Variants in TBC1D12 observed in about 807,000 individuals in gnomAD.
TBC1D12 encodes TBC1 domain family, member 12.
A neutral mutation model predicts 86.7 loss-of-function variants in TBC1D12; 56 were observed. That is an observed-to-expected ratio of 0.65 (90% CI 0.52 to 0.81). The LOEUF (loss-of-function observed/expected upper bound fraction) is 0.81. TBC1D12 is among the 30% of genes least tolerant of loss of function. The pLI, the probability that TBC1D12 is intolerant of heterozygous loss-of-function variation, is 0.00. For missense variants in TBC1D12, 1,023 were observed against 1,038.8 expected, an observed-to-expected ratio of 0.98 and a Z score of 0.21; for synonymous variants, 421 against 411.7, an observed-to-expected ratio of 1.02 and a Z score of -0.27.
At position 94,432,476 on chromosome 10, in the gene TBC1D12, TTA is replaced by T. The variant is rs147947299; in HGVS notation, c.972-9418_972-9417del. Among the ~76,000 whole-genome samples the T allele has an allele frequency of 3.0e-3, 456 of 152,338 alleles. 4 individuals carry two copies. The highest frequency in any genetic ancestry group is 0.017 in the East Asian group (87 of 5,188). On this transcript the variant is annotated intron_variant, in intron 1 of 12. Transcript: ENST00000225235. ...TGCAGGTATATGCCATTTTGCTGTA[TTA>T]TGTTATAAATAGTGTTTGTGGCAGG...
In TBC1D12 at chr10:94,525,567, C is replaced by T. The variant is rs142420843; in HGVS notation, c.2000+3114C>T. On this transcript the variant is annotated intron_variant, in intron 11 of 12. Coordinates refer to ENST00000225235, the MANE Select transcript of TBC1D12 (RefSeq NM_015188.2). Reference sequence around the variant, plus strand: ...TGCAGTAAGTCAGGAGGCTGAGGCACGAGAATCGCTTGAACCCAGGAGGCC... The same window carrying T: ...TGCAGTAAGTCAGGAGGCTGAGGCATGAGAATCGCTTGAACCCAGGAGGCC... 4.4e-3 allele frequency among the ~76,000 whole-genome samples: 652 copies of T among 148,020 alleles called. 4 individuals carry two copies. The highest frequency in any genetic ancestry group is 0.015 in the African/African-American group (618 of 40,002).
chr10:94,408,682 T>TA (rs1185119482), intron 1 of TBC1D12, among the ~76,000 whole-genome samples: 1 of 152,170 alleles, frequency 6.6e-6, no homozygotes, highest in Non-Finnish European at 1.5e-5. Context: ...CTCTGTCCTA[T>TA]AAGTCTCCCT....
intron 1 of TBC1D12, among the ~76,000 whole-genome samples, chr10:94,419,783 A>G (rs1564938052): frequency 6.6e-6 from 1 of 152,172 alleles, no homozygotes; most frequent in Non-Finnish European, 1.5e-5. Flanking sequence ...TTAGTTTTCT[A>G]TTTAATACAT....
intron 1 of TBC1D12, among the ~76,000 whole-genome samples, chr10:94,415,626 C>T (rs893129735): frequency 6.6e-5 from 10 of 152,014 alleles, no homozygotes; most frequent in African/African-American, 1.7e-4. Flanking sequence ...CCCAGCTACT[C>T]GGGAGGCTGA....
chr10:94,415,076 A>G (rs2054980723), intron 1 of TBC1D12, among the ~76,000 whole-genome samples: 1 of 152,172 alleles, frequency 6.6e-6, no homozygotes, highest in Admixed American at 6.5e-5. Context: ...TTTTTCCTAC[A>G]AGTACCAGGG....
rs758096049 is a variant in TBC1D12 at position 94,403,570 on chromosome 10, G to T, written c.957G>T (p.Ala319=). 12 of 1,474,666 alleles carry T rather than the reference G, an allele frequency of 8.1e-6. No homozygotes were observed. In the South Asian group the frequency reaches 1.4e-4, roughly 18 times the overall value. The allele number at this position is 1,474,666 out of a possible 1,614,324, so 91.3% of individuals were successfully genotyped here. A position where few individuals can be genotyped will look rare whatever the true frequency, so the allele number is the denominator to read the frequency against. Residue 319 remains alanine, a synonymous_variant, in exon 1 of 13, where the codon GCG becomes GCT. Coordinates refer to ENST00000225235, the MANE Select transcript of TBC1D12 (RefSeq NM_015188.2). ...GGGCTCGACGGAGTGGCGGCTTCGC[G>T]GACTTCTTCACCAGGTACAGCGCAG... ...SARARRSGGF[A]DFFTRNLFPK... is the part of the protein sequence containing the mutation.
chr10:94,442,473 C>G (rs1481016588), intron 2 of TBC1D12, among the ~76,000 whole-genome samples: 1 of 152,182 alleles, frequency 6.6e-6, no homozygotes, highest in South Asian at 2.1e-4. Flanking sequence ...CTGGTGTCCT[C>G]TCTAAACCAA....
intron 2 of TBC1D12, among the ~76,000 whole-genome samples, chr10:94,465,475 A>G (rs997360840): frequency 8.6e-5 from 13 of 151,960 alleles, no homozygotes; most frequent in African/African-American, 2.7e-4. Flanking sequence ...GTGAAAAGCC[A>G]TCTCTACTAA....
Position 94,534,975 on chromosome 10 carries a change from C to G in TBC1D12, c.*1879C>G, listed in dbSNP as rs567817097. 1.3e-5 allele frequency: 2 copies of G among 152,152 alleles called. 1 individual carries two copies. The highest frequency in any genetic ancestry group is 4.1e-4 in the South Asian group (2 of 4,830). 9.4% of individuals were successfully genotyped at this position (152,152 alleles called of 1,614,324 possible). On this transcript the variant is annotated 3_prime_UTR_variant, in exon 13 of 13. Coordinates refer to ENST00000225235, the MANE Select transcript of TBC1D12 (RefSeq NM_015188.2). The stretch of plus-strand genomic sequence containing the variant: ...TGCATTTTATAGCAACATTAACAGT[C>G]TTTTCCCAGTCAGGTGCTGTCCAGG...
At chr10:94,464,284 T>G (rs930361551) in intron 2 of TBC1D12, among the ~76,000 whole-genome samples, 2 of 152,218 alleles carry the variant, frequency 1.3e-5, no homozygotes, top group Non-Finnish European at 2.9e-5. Context: ...CTATTTCTTT[T>G]CAAATTATTT....
At position 94,505,178 on chromosome 10, in the gene TBC1D12, A is replaced by T. The variant is rs189013228; in HGVS notation, c.1520-2089A>T. 8.0e-4 allele frequency among the ~76,000 whole-genome samples: 122 copies of T among 152,272 alleles called. No homozygotes were observed. The East Asian group carries it at 0.012, about 15-fold the overall frequency. ...GTCTTAGAACCAGTTTGAATTTTTT[A>T]AAAAAACTTACAATTTTATACCTAA... On this transcript the variant is annotated intron_variant, in intron 6 of 12. Coordinates refer to ENST00000225235, the MANE Select transcript of TBC1D12 (RefSeq NM_015188.2).
intron 9 of TBC1D12, 52 bp downstream of exon 9, chr10:94,511,706 C>G: frequency 3.2e-6 from 4 of 1,243,606 alleles, no homozygotes; most frequent in Non-Finnish European, 4.7e-6. Flanking sequence ...TATCTACACT[C>G]TTTATCAAAA....
chr10:94,441,038 C>T (rs932066141), intron 1 of TBC1D12, among the ~76,000 whole-genome samples: 15 of 152,102 alleles, frequency 9.9e-5, no homozygotes, highest in Admixed American at 2.0e-4. Context: ...TTAGTAGAGA[C>T]AGGGTTTCAC....
chr10:94,520,809 G>A (rs2134222175), intron 9 of TBC1D12, among the ~76,000 whole-genome samples: 1 of 151,910 alleles, frequency 6.6e-6, no homozygotes, highest in Non-Finnish European at 1.5e-5. Context: ...ACAGGCACCT[G>A]CCACCACGCC....
At chr10:94,477,160 C>T (rs1158549599) in intron 3 of TBC1D12, among the ~76,000 whole-genome samples, 1 of 151,980 alleles carries the variant, frequency 6.6e-6, no homozygotes, top group Non-Finnish European at 1.5e-5. Flanking sequence ...AGCTTTTATT[C>T]TGTTTCTGTG....
chr10:94,510,507 G>C (rs1317640559), intron 8 of TBC1D12, among the ~76,000 whole-genome samples: 1 of 152,054 alleles, frequency 6.6e-6, no homozygotes, highest in African/African-American at 2.4e-5. Flanking sequence ...AATTGTTAAA[G>C]TATAAAGAAC....
chr10:94,418,308 T>C (rs976330313), intron 1 of TBC1D12, among the ~76,000 whole-genome samples: 2 of 152,176 alleles, frequency 1.3e-5, no homozygotes, highest in Non-Finnish European at 1.5e-5. Flanking sequence ...CCTAAACATA[T>C]AGATTTTGGT....
chr10:94,517,066 G>GA (rs1356892455), intron 9 of TBC1D12, among the ~76,000 whole-genome samples: 5 of 151,542 alleles, frequency 3.3e-5, no homozygotes, highest in South Asian at 2.1e-4. Flanking sequence ...TTTAAAAAAA[G>GA]AAAAAAAATA....
intron 1 of TBC1D12, among the ~76,000 whole-genome samples, chr10:94,419,763 C>T (rs2055050372): frequency 6.6e-6 from 1 of 152,090 alleles, no homozygotes; most frequent in African/African-American, 2.4e-5. Flanking sequence ...AAAGCCTTAA[C>T]CAGTGTAATT....
Sources: allele counts gnomAD v4.1 joint callset (sites outside exome capture counted in the v4.1 genomes callset), GRCh38; gene constraint gnomAD v4.1.1; transcripts MANE v1.5; gene names NCBI Gene and HGNC (gene_info 2026-07-23, HGNC 2026-07-21).